ZNF277: variants seen among roughly 807,000 people sequenced by gnomAD.
ZNF277 encodes the protein zinc finger protein 277.
Under a neutral mutation model 60.7 loss-of-function variants are expected in ZNF277, and 55 were observed. That is an observed-to-expected ratio of 0.91 (90% CI 0.73 to 1.13). The LOEUF (loss-of-function observed/expected upper bound fraction) is 1.13, where lower values mean the gene tolerates loss of function less well. Among genes scored for constraint, ZNF277 ranks in the 50% most tolerant of loss-of-function variants. The pLI, the probability that ZNF277 is intolerant of heterozygous loss-of-function variation, is 0.00. For missense variants in ZNF277, 510 were observed against 523.0 expected, an observed-to-expected ratio of 0.98 and a Z score of 0.24; for synonymous variants, 178 against 179.3, an observed-to-expected ratio of 0.99 and a Z score of 0.06.
intron 1 of ZNF277, among the ~76,000 whole-genome samples, chr7:112,245,265 G>A (rs1791057570): frequency 6.6e-6 from 1 of 152,152 alleles, no homozygotes; most frequent in African/African-American, 2.4e-5. Context: ...CACGTACATT[G>A]TTTTGGGATC....
intron 1 of ZNF277, among the ~76,000 whole-genome samples, chr7:112,285,727 C>A (rs1437388353): frequency 6.6e-6 from 1 of 151,762 alleles, no homozygotes; most frequent in Non-Finnish European, 1.5e-5. Context: ...AGCCACCGCA[C>A]TTACATAATT....
At chr7:112,283,341 A>C (rs1345397400) in intron 1 of ZNF277, among the ~76,000 whole-genome samples, 1 of 152,178 alleles carries the variant, frequency 6.6e-6, no homozygotes, top group East Asian at 1.9e-4. Context: ...CAGCCAGGCC[A>C]GCGAAACCTG....
intron 4 of ZNF277, among the ~76,000 whole-genome samples, chr7:112,316,047 T>C (rs1162923185): frequency 6.6e-6 from 1 of 152,094 alleles, no homozygotes; most frequent in Non-Finnish European, 1.5e-5. Flanking sequence ...ATCATGAAAA[T>C]AGCACCAAAT....
At chr7:112,215,266 A>G (rs1413058549) in intron 1 of ZNF277, among the ~76,000 whole-genome samples, 4 of 152,238 alleles carry the variant, frequency 2.6e-5, no homozygotes, top group Non-Finnish European at 5.9e-5. Flanking sequence ...CTTTAAAATG[A>G]TTACAAACTA....
At chr7:112,247,143 C>G (rs911830251) in intron 1 of ZNF277, among the ~76,000 whole-genome samples, 5 of 152,178 alleles carry the variant, frequency 3.3e-5, no homozygotes, top group Admixed American at 6.5e-5. Context: ...TTGTATCAGT[C>G]CACTCCCTGT....
At position 112,295,795 on chromosome 7, in the gene ZNF277, T is replaced by C; in HGVS notation, c.294-74T>C. The C allele has an allele frequency of 2.0e-5, 24 of 1,192,374 alleles. No individual in the cohort carries two copies. The South Asian group carries it at 3.1e-4, about 15-fold the overall frequency. 73.9% of individuals were successfully genotyped at this position (1,192,374 alleles called of 1,614,324 possible). A position where few individuals can be genotyped will look rare whatever the true frequency, so the allele number is the denominator to read the frequency against. On this transcript the variant is annotated intron_variant, in intron 2 of 11. Coordinates refer to ENST00000361822, the MANE Select transcript of ZNF277 (RefSeq NM_021994.3). Reference sequence around the variant, plus strand: ...TTGCTTTGGGATGAGTGAATGTGCTTATAGATTCCTGTCATTCTAAAGCAA... The same window carrying C: ...TTGCTTTGGGATGAGTGAATGTGCTCATAGATTCCTGTCATTCTAAAGCAA...
At chr7:112,315,129 G>T (rs1563226108) in intron 4 of ZNF277, among the ~76,000 whole-genome samples, 1 of 151,882 alleles carries the variant, frequency 6.6e-6, no homozygotes. Flanking sequence ...AAATTGAAGA[G>T]AACTCAATAA....
At chr7:112,302,288 A>C (rs1792494486) in intron 4 of ZNF277, among the ~76,000 whole-genome samples, 1 of 152,190 alleles carries the variant, frequency 6.6e-6, no homozygotes, top group South Asian at 2.1e-4. Context: ...CAACAAAATG[A>C]AATTGCGTAT....
chr7:112,296,254 A>T lies in ZNF277; in HGVS notation c.408A>T (p.Leu136Phe). 5 of 1,586,014 alleles carry T rather than the reference A, an allele frequency of 3.2e-6. No individual in the cohort carries two copies. The highest frequency in any genetic ancestry group is 3.4e-6 in the Non-Finnish European group (4 of 1,166,958). Residue 136 changes from leucine to phenylalanine, a missense_variant, in exon 4 of 12, where the codon TTA becomes TTT. By Grantham distance (22) the Leu-to-Phe change is conservative. Transcript: ENST00000361822. ...AAGAACAAGAGAATTATTTTTTGTT[A>T]TGTGACGTTTTACCAGAAGATAGAA... ...PFEEQENYFL[L>F]CDVLPEDRIL...
At chr7:112,245,483 A>G (rs756531868) in intron 1 of ZNF277, among the ~76,000 whole-genome samples, 2 of 152,200 alleles carry the variant, frequency 1.3e-5, no homozygotes, top group Non-Finnish European at 2.9e-5. Flanking sequence ...ATGTCATAGC[A>G]TAGTGTCATA....
At chr7:112,297,608 T>G (rs1792384818) in intron 4 of ZNF277, among the ~76,000 whole-genome samples, 1 of 152,230 alleles carries the variant, frequency 6.6e-6, no homozygotes, top group Non-Finnish European at 1.5e-5. Flanking sequence ...AGAAAAGTTT[T>G]CCTGTACAAC....
intron 7 of ZNF277, among the ~76,000 whole-genome samples, chr7:112,333,523 C>T (rs1793269818): frequency 6.6e-6 from 1 of 152,192 alleles, no homozygotes; most frequent in Non-Finnish European, 1.5e-5. Context: ...CAGAGCTCCT[C>T]ACCTCCACTT....
At position 112,223,620 on chromosome 7, in the gene ZNF277, GT is replaced by G. The variant is rs796422374; in HGVS notation, c.91+16818del. 9.9e-5 allele frequency among the ~76,000 whole-genome samples: 15 copies of G among 152,278 alleles called. No individual in the cohort carries two copies. The East Asian group carries it at 2.7e-3, about 27-fold the overall frequency. On this transcript the variant is annotated intron_variant, in intron 1 of 11. Coordinates refer to ENST00000361822, the MANE Select transcript of ZNF277 (RefSeq NM_021994.3). The stretch of plus-strand genomic sequence containing the variant: ...TGCCCTCTCAAAATGACCCTTCTAG[GT>G]TTTTAGACTCCACTGGGGTTTTAGA...
chr7:112,341,098 G>T, intron 11 of ZNF277, 52 bp downstream of exon 11: 1 of 1,481,228 alleles, frequency 6.8e-7, no homozygotes, highest in Non-Finnish European at 9.0e-7. Flanking sequence ...CTTTGATTTT[G>T]TCCCTTTATT....
At chr7:112,233,020 T>C (rs1231747094) in intron 1 of ZNF277, among the ~76,000 whole-genome samples, 1 of 152,198 alleles carries the variant, frequency 6.6e-6, no homozygotes, top group African/African-American at 2.4e-5. Flanking sequence ...CCTTCAACTT[T>C]TCTGTGAAAT....
chr7:112,323,024 C>T (rs779206683), intron 5 of ZNF277, among the ~76,000 whole-genome samples: 1 of 152,220 alleles, frequency 6.6e-6, no homozygotes, highest in African/African-American at 2.4e-5. Flanking sequence ...ATTCCTTGAA[C>T]CACTGTATCT....
intron 4 of ZNF277, among the ~76,000 whole-genome samples, chr7:112,303,211 A>G (rs941661748): frequency 3.3e-5 from 5 of 152,100 alleles, no homozygotes; most frequent in Non-Finnish European, 4.4e-5. Flanking sequence ...TTGGCCTCCC[A>G]AAGTGCTGGG....
chr7:112,306,824 AT>A (rs1792607887), intron 4 of ZNF277, among the ~76,000 whole-genome samples: 1 of 152,074 alleles, frequency 6.6e-6, no homozygotes, highest in Non-Finnish European at 1.5e-5. Flanking sequence ...CTATAACTTT[AT>A]TTTGAATGTT....
At chr7:112,290,924 G>C (rs1335481365) in intron 2 of ZNF277, among the ~76,000 whole-genome samples, 1 of 152,138 alleles carries the variant, frequency 6.6e-6, no homozygotes, top group African/African-American at 2.4e-5. Context: ...CATTCACTCA[G>C]AACTCAAGAG....
Sources: gnomAD v4.1 joint callset for allele counts (sites outside exome capture counted in the v4.1 genomes callset) on GRCh38, gnomAD v4.1.1 for gene constraint, MANE v1.5 for transcripts, NCBI Gene and HGNC (gene_info 2026-07-23, HGNC 2026-07-21) for gene names.